JAG2: variants seen among roughly 807,000 people sequenced by gnomAD.
JAG2 encodes jagged canonical Notch ligand 2.
In JAG2, 46 loss-of-function variants were observed where a neutral mutation model predicts 141.7. The observed-to-expected ratio is 0.32, with a 90% confidence interval of 0.26 to 0.42. JAG2 has a LOEUF of 0.42. Ranked by LOEUF, JAG2 falls within the 10% of genes least tolerant of loss-of-function variation. The pLI is 1.00. For missense variants in JAG2, 1,500 were observed against 1,817.5 expected (o/e 0.83, Z 3.18); for synonymous variants, 862 against 763.5 (o/e 1.13, Z -2.13).
chr14:105,156,566 C>T (rs1888589405), intron 3 of JAG2, among the ~76,000 whole-genome samples: 1 of 151,870 alleles, frequency 6.6e-6, no homozygotes, highest in Non-Finnish European at 1.5e-5. Context: ...TTAAGTAAGC[C>T]ACCAGGAGAC....
chr14:105,168,543 A>AGGCGGC lies in JAG2; in HGVS notation c.-129_-124dup, dbSNP rs1259929874. ...CCCGCAGAGGCAGCGGCAGCGGCAG[A>AGGCGGC]GGCGGCGGCGGCGGCGGCGCGGGCG... is the stretch of plus-strand genomic sequence containing the variant. On this transcript the variant is annotated 5_prime_UTR_variant, in exon 1 of 26. Coordinates refer to ENST00000331782, the MANE Select transcript of JAG2 (RefSeq NM_002226.5). 729 of 148,650 alleles carry AGGCGGC rather than the reference A, an allele frequency of 4.9e-3. 13 individuals carry two copies. The highest frequency in any genetic ancestry group is 0.017 in the African/African-American group (667 of 39,596). The allele number at this position is 148,650 out of a possible 1,614,324, so 9.2% of individuals were successfully genotyped here. A position where few individuals can be genotyped will look rare whatever the true frequency, so the allele number is the denominator to read the frequency against.
At chr14:105,161,613 A>G (rs1227050089) in intron 2 of JAG2, among the ~76,000 whole-genome samples, 1 of 151,736 alleles carries the variant, frequency 6.6e-6, no homozygotes, top group Non-Finnish European at 1.5e-5. Context: ...GCAGGAAGTC[A>G]TCCAGAGTGA....
chr14:105,148,265 A>G, intron 16 of JAG2, 36 bp from the exon 17 acceptor site: 1 of 1,574,892 alleles, frequency 6.3e-7, no homozygotes, highest in South Asian at 1.1e-5. Flanking sequence ...GGCAGGCCCC[A>G]GACCGCCAGG....
chr14:105,162,038 G>C (rs1888764064), intron 2 of JAG2, among the ~76,000 whole-genome samples: 1 of 152,204 alleles, frequency 6.6e-6, no homozygotes, highest in Non-Finnish European at 1.5e-5. Context: ...AACGGGGCTG[G>C]GACATGTGGG....
chr14:105,149,204 C>T lies in JAG2; in HGVS notation c.1719G>A (p.Val573=). Residue 573 remains valine (V), a synonymous_variant, in exon 13 of 26, where the codon GTG becomes GTA. Coordinates refer to ENST00000331782, the MANE Select transcript of JAG2 (RefSeq NM_002226.5). ...PDDFGGKNCS[V]PREPCPGGAC... is the part of the protein sequence containing the mutation. ...CCCCGCCAGGGCACGGCTCGCGGGG[C>T]ACGGAGCAGTTCTTGCCACCAAAGT... The T allele has an allele frequency of 7.0e-7, 1 of 1,424,662 alleles. No homozygotes were observed. The highest frequency in any genetic ancestry group is 9.4e-7 in the Non-Finnish European group (1 of 1,067,218). The allele number at this position is 1,424,662 out of a possible 1,614,324, so 88.3% of individuals were successfully genotyped here. A position where few individuals can be genotyped will look rare whatever the true frequency, so the allele number is the denominator to read the frequency against.
At chr14:105,149,764 A>G (rs1048569514) in intron 12 of JAG2, among the ~76,000 whole-genome samples, 1 of 135,418 alleles carries the variant, frequency 7.4e-6, no homozygotes, top group Non-Finnish European at 1.6e-5. Flanking sequence ...CTCTGCACCA[A>G]GGCCAGGGCA....
chr14:105,150,820 G>GCC (rs1566763363), intron 11 of JAG2, 43 bp from the exon 12 acceptor site: 1 of 1,572,430 alleles, frequency 6.4e-7, no homozygotes, highest in Admixed American at 1.9e-5. Flanking sequence ...GCACCCTGAC[G>GCC]GCCCCGCAGC....
Position 105,149,530 on chromosome 14 carries a change from A to T in JAG2, c.1603-210T>A, listed in dbSNP as rs148771502. Among the ~76,000 whole-genome samples, 316 of 149,642 alleles carry T rather than the reference A, an allele frequency of 2.1e-3. 1 individual carries two copies. The highest frequency in any genetic ancestry group is 3.7e-3 in the Non-Finnish European group (252 of 67,366). ...CAGATACCTGTGGGCCCCCACCCCC[A>T]CCTCCACTGCAGCCCAGCTTCCTCA... On this transcript the variant is annotated intron_variant, in intron 12 of 25. Coordinates refer to ENST00000331782, the MANE Select transcript of JAG2 (RefSeq NM_002226.5).
In JAG2 at chr14:105,168,075, C is replaced by G; in HGVS notation, c.99G>C (p.Gln33His). The change falls in exon 2 of 26, where the codon CAG becomes CAC. Residue 33 changes from glutamine to histidine, a missense_variant. Gln to His is a conservative substitution (Grantham distance 24). Transcript: ENST00000331782. ...CGTTCACGTTCCGCAGCGCGCTCAG[C>G]TGCAGCTCGAAATAGCCCATGGGCC... ...AARPMGYFEL[Q>H]LSALRNVNGE... 6.3e-7 allele frequency: 1 copy of G among 1,587,884 alleles called. No homozygotes were observed. The highest frequency in any genetic ancestry group is 8.5e-7 in the Non-Finnish European group (1 of 1,174,896).
intron 2 of JAG2, among the ~76,000 whole-genome samples, chr14:105,166,797 GCTCCCAGATCCATCTA>G (rs1888925551): frequency 6.6e-6 from 1 of 152,188 alleles, no homozygotes; most frequent in Admixed American, 6.5e-5. Flanking sequence ...CCACTTCCTG[GCTCCCAGATCCATCTA>G]CTCCCTGATC....
Position 105,152,306 on chromosome 14 carries a change from A to AG in JAG2, c.789-16dup, listed in dbSNP as rs750407832. The AG allele has an allele frequency of 2.5e-6, 4 of 1,611,876 alleles. No homozygotes were observed. The highest frequency in any genetic ancestry group is 2.2e-5 in the South Asian group (2 of 90,926). On this transcript the variant is annotated splice_polypyrimidine_tract_variant and intron_variant, in intron 5 of 25. Transcript: ENST00000331782. The stretch of plus-strand genomic sequence containing the variant: ...CGTAGCTGCACCTGGGGGAAGGAGG[A>AG]GGGGCGCAAGACCCAGTGAGCTGTG...
intron 2 of JAG2, among the ~76,000 whole-genome samples, chr14:105,166,234 G>A (rs143498450): frequency 9.2e-4 from 140 of 152,378 alleles, no homozygotes; most frequent in Non-Finnish European, 1.6e-3. Context: ...GGGGCGAAGA[G>A]CCAGGGCGGA....
chr14:105,156,427 TCC>T (rs1888585692), intron 3 of JAG2, among the ~76,000 whole-genome samples: 1 of 151,894 alleles, frequency 6.6e-6, no homozygotes, highest in African/African-American at 2.4e-5. Context: ...TCAGTTGCCC[TCC>T]CCTCTCCTGC....
intron 1 of JAG2, 25 bp from the exon 2 acceptor site, chr14:105,168,132 G>C (rs1181876553): frequency 6.7e-7 from 1 of 1,488,164 alleles, no homozygotes; most frequent in Admixed American, 2.2e-5. Flanking sequence ...GCGGGAGAGC[G>C]GAGGGAGGCG....
At chr14:105,153,987 CA>C (rs967343095) in intron 5 of JAG2, among the ~76,000 whole-genome samples, 2 of 152,228 alleles carry the variant, frequency 1.3e-5, no homozygotes, top group African/African-American at 4.8e-5. Flanking sequence ...GGGACTCGCT[CA>C]ACCTGCCGGG....
chr14:105,164,128 G>A (rs2239285), intron 2 of JAG2, among the ~76,000 whole-genome samples: 101,167 of 147,848 alleles, frequency 0.68, 34,454 homozygotes, highest in African/African-American at 0.77. Context: ...CCTTCCTATC[G>A]TGCTGCGGCT....
At chr14:105,161,311 A>G (rs1888740798) in intron 2 of JAG2, among the ~76,000 whole-genome samples, 2 of 152,114 alleles carry the variant, frequency 1.3e-5, no homozygotes, top group African/African-American at 4.8e-5. Flanking sequence ...AGGAAGCAGC[A>G]ATAGTGAGGT....
intron 24 of JAG2, 108 bp from the exon 25 acceptor site, chr14:105,143,746 G>C (rs1888137048): frequency 1.5e-6 from 2 of 1,362,958 alleles, no homozygotes; most frequent in Admixed American, 3.9e-5. Flanking sequence ...GGGCGCACGG[G>C]AGACGAGAGC....
intron 2 of JAG2, among the ~76,000 whole-genome samples, chr14:105,166,615 G>A (rs587688163): frequency 6.6e-6 from 1 of 152,330 alleles, no homozygotes; most frequent in South Asian, 2.1e-4. Flanking sequence ...GGTGAGGATG[G>A]GGGCAGCAGG....
Sources: allele counts gnomAD v4.1 joint callset (sites outside exome capture counted in the v4.1 genomes callset), GRCh38; gene constraint gnomAD v4.1.1; transcripts MANE v1.5; gene names NCBI Gene and HGNC (gene_info 2026-07-23, HGNC 2026-07-21).